LHPP: variants seen among roughly 807,000 people sequenced by gnomAD.
LHPP encodes hLHPP.
LHPP carries 24 observed loss-of-function variants against 30.3 expected under a neutral mutation model. The observed-to-expected ratio is 0.79, with a 90% confidence interval of 0.57 to 1.11. The LOEUF (loss-of-function observed/expected upper bound fraction) is 1.11, where lower values mean the gene tolerates loss of function less well. Among genes scored for constraint, LHPP ranks in the 50% most tolerant of loss-of-function variants. The pLI is 0.00. For synonymous variants in LHPP, 150 were observed against 157.1 expected, an observed-to-expected ratio of 0.95 and a Z score of 0.34; for missense variants, 356 against 367.2, an observed-to-expected ratio of 0.97 and a Z score of 0.25.
At chr10:124,483,589 G>A (rs540147887) in intron 1 of LHPP, among the ~76,000 whole-genome samples, 19 of 152,062 alleles carry the variant, frequency 1.2e-4, no homozygotes, top group Admixed American at 2.6e-4. Flanking sequence ...AACCCCATCT[G>A]TACTAAAAAT....
In LHPP at chr10:124,523,034, G is replaced by A. The variant is rs961429514; in HGVS notation, c.716+5763G>A. ...CCCATCACTCTGTTCGCTGTTCCAC[G>A]CCACACCCTGCAGCCACCACCCAGT... On this transcript the variant is annotated intron_variant, in intron 6 of 6. Coordinates refer to ENST00000368842, the MANE Select transcript of LHPP (RefSeq NM_022126.4). This position sits in a 1 kb window ranked among gnomAD's most constrained non-coding sequence, Gnocchi z 4.2. 3.3e-5 allele frequency among the ~76,000 whole-genome samples: 5 copies of A among 152,124 alleles called. No homozygotes were observed. Among genetic ancestry groups the A allele is most frequent in the Admixed American group, 6.5e-5 (1 of 15,270 alleles).
intron 1 of LHPP, among the ~76,000 whole-genome samples, chr10:124,476,165 G>A (rs974315754): frequency 3.9e-5 from 6 of 152,012 alleles, no homozygotes; most frequent in East Asian, 1.9e-4. Context: ...TTGCCGTCCC[G>A]CTAAGGTGAC....
intron 6 of LHPP, among the ~76,000 whole-genome samples, chr10:124,601,474 T>G (rs1233979837): frequency 4.9e-4 from 74 of 150,762 alleles, no homozygotes; most frequent in African/African-American, 1.5e-3. Flanking sequence ...GGATTGGGGG[T>G]TCAAGGTACC....
At chr10:124,465,152 T>C (rs1952520627) in intron 1 of LHPP, among the ~76,000 whole-genome samples, 2 of 152,082 alleles carry the variant, frequency 1.3e-5, no homozygotes, top group South Asian at 2.1e-4. Context: ...GAGAAGGCAC[T>C]GGACAGACCC....
chr10:124,611,304 C>G (rs1949194836), intron 6 of LHPP, among the ~76,000 whole-genome samples: 1 of 152,062 alleles, frequency 6.6e-6, no homozygotes, highest in Non-Finnish European at 1.5e-5. Context: ...GATCCCAGCT[C>G]TGCTCTCCCT....
At chr10:124,486,054 A>G (rs921855488) in intron 2 of LHPP, among the ~76,000 whole-genome samples, 1 of 152,212 alleles carries the variant, frequency 6.6e-6, no homozygotes, top group African/African-American at 2.4e-5. Flanking sequence ...ATACTCCCCT[A>G]TACACTTCAG....
chr10:124,492,536 G>A lies in LHPP; in HGVS notation c.467+3961G>A, dbSNP rs1229719370. Among the ~76,000 whole-genome samples, 4 of 152,304 alleles carry A rather than the reference G, an allele frequency of 2.6e-5. No homozygotes were observed. The South Asian group carries it at 6.2e-4, about 24-fold the overall frequency. Reference sequence around the variant, plus strand: ...TTTGTTCTTGTAAAGCCTGCAACTGGTTGGATGTGGTCCACCCACATTGCG... The same window carrying A: ...TTTGTTCTTGTAAAGCCTGCAACTGATTGGATGTGGTCCACCCACATTGCG... On this transcript the variant is annotated intron_variant, in intron 3 of 6. Coordinates refer to ENST00000368842, the MANE Select transcript of LHPP (RefSeq NM_022126.4).
intron 6 of LHPP, among the ~76,000 whole-genome samples, chr10:124,537,529 G>A (rs1427716624): frequency 6.6e-6 from 1 of 152,226 alleles, no homozygotes; most frequent in Non-Finnish European, 1.5e-5. Context: ...CACTAGGCCT[G>A]CAGCAGACAC....
chr10:124,606,065 C>A (rs1033734184), intron 6 of LHPP, among the ~76,000 whole-genome samples: 1 of 152,162 alleles, frequency 6.6e-6, no homozygotes, highest in Non-Finnish European at 1.5e-5. Context: ...GGAGGGCCCA[C>A]CCCACATCAG....
chr10:124,595,259 T>C (rs779634982), intron 6 of LHPP, among the ~76,000 whole-genome samples: 4 of 152,034 alleles, frequency 2.6e-5, no homozygotes, highest in African/African-American at 9.7e-5. Context: ...TGCAACCTGG[T>C]TGGGGACGCG....
At chr10:124,559,758 T>C (rs1172367730) in intron 6 of LHPP, among the ~76,000 whole-genome samples, 1 of 152,258 alleles carries the variant, frequency 6.6e-6, no homozygotes, top group Non-Finnish European at 1.5e-5. Context: ...TTGGAAGTGC[T>C]GGGTTTTCCT....
At chr10:124,528,968 A>T (rs1188034620) in intron 6 of LHPP, among the ~76,000 whole-genome samples, 1 of 151,604 alleles carries the variant, frequency 6.6e-6, no homozygotes, top group Non-Finnish European at 1.5e-5. Flanking sequence ...TTGTAAGAAT[A>T]AGAGTTATTT....
At chr10:124,503,030 T>G (rs560747735) in intron 5 of LHPP, among the ~76,000 whole-genome samples, 5 of 151,874 alleles carry the variant, frequency 3.3e-5, no homozygotes, top group Non-Finnish European at 5.9e-5. Flanking sequence ...ATTCTCTTTC[T>G]GATCATTAGT....
intron 6 of LHPP, among the ~76,000 whole-genome samples, chr10:124,544,292 C>G (rs1008306768): frequency 5.9e-5 from 9 of 152,266 alleles, no homozygotes; most frequent in African/African-American, 1.7e-4. Context: ...AAGACCTCCC[C>G]TCTCTGGAAC....
At chr10:124,512,278 G>C (rs566320269) in intron 5 of LHPP, among the ~76,000 whole-genome samples, 89 of 152,306 alleles carry the variant, frequency 5.8e-4, no homozygotes, top group African/African-American at 2.0e-3. Context: ...TGGTGAGATA[G>C]GGAATTTCCT....
intron 4 of LHPP, among the ~76,000 whole-genome samples, 154 bp from the exon 5 acceptor site, chr10:124,497,882 C>T (rs143615561): frequency 3.2e-4 from 48 of 152,286 alleles, no homozygotes; most frequent in African/African-American, 1.0e-3. Context: ...AGTTGTGAGG[C>T]TCCTGCCTGT....
At chr10:124,508,457 G>C (rs961151034) in intron 5 of LHPP, among the ~76,000 whole-genome samples, 5 of 152,214 alleles carry the variant, frequency 3.3e-5, no homozygotes, top group African/African-American at 1.2e-4. Context: ...TAGCCCTGCA[G>C]CTGTGGGTCT....
chr10:124,490,223 C>T (rs1953478925), intron 3 of LHPP: 1 of 181,016 alleles, frequency 5.5e-6, no homozygotes, highest in Non-Finnish European at 1.2e-5. Context: ...TGTTGGCTTC[C>T]CCACTTGTGG....
At chr10:124,610,357 G>A (rs1343407009) in intron 6 of LHPP, among the ~76,000 whole-genome samples, 1 of 145,284 alleles carries the variant, frequency 6.9e-6, no homozygotes, top group Non-Finnish European at 1.5e-5. Context: ...GTGAGGGTGC[G>A]GGTGAGGGTG....
Sources: allele counts gnomAD v4.1 joint callset (sites outside exome capture counted in the v4.1 genomes callset), GRCh38; gene constraint gnomAD v4.1.1; non-coding constraint Gnocchi (gnomAD v3.1); transcripts MANE v1.5; gene names NCBI Gene and HGNC (gene_info 2026-07-23, HGNC 2026-07-21).